ASAP2: variants seen among roughly 807,000 people sequenced by gnomAD.
ASAP2 encodes ArfGAP with SH3 domain, ankyrin repeat and PH domain 2, also known as arf-GAP with SH3 domain, ANK repeat and PH domain-containing protein 2.
A neutral mutation model predicts 131.4 loss-of-function variants in ASAP2; 45 were observed. The observed-to-expected ratio is 0.34, with a 90% CI of 0.27 to 0.44. The LOEUF is 0.44. Among genes scored for constraint, ASAP2 ranks in the 20% least tolerant of loss-of-function variants. ASAP2 has a pLI of 1.00. For synonymous variants in ASAP2, 510 were observed against 503.0 expected (o/e 1.01, Z -0.19); for missense variants, 1,011 against 1,297.0 (o/e 0.78, Z 3.39).
At position 9,380,464 on chromosome 2, in the gene ASAP2, C is replaced by T. The variant is rs551076963; in HGVS notation, c.1949-277C>T. On this transcript the variant is annotated intron_variant, in intron 19 of 27. Transcript: ENST00000281419. The stretch of plus-strand genomic sequence containing the variant: ...CCACCCACCTCTGCCTCCCAAAGTG[C>T]TGGGATTACAGGCGTGAGCCACTGC... Among the ~76,000 whole-genome samples, 26 of 152,294 alleles carry T rather than the reference C, an allele frequency of 1.7e-4. No homozygotes were observed. The East Asian group carries it at 4.6e-3, about 27-fold the overall frequency.
At chr2:9,254,539 T>A (rs1224210877) in intron 1 of ASAP2, among the ~76,000 whole-genome samples, 6 of 140,810 alleles carry the variant, frequency 4.3e-5, no homozygotes, top group African/African-American at 1.3e-4. Flanking sequence ...TTTTTTTTTT[T>A]TTTTTTTTTT....
intron 6 of ASAP2, among the ~76,000 whole-genome samples, chr2:9,325,773 A>G (rs1670439813): frequency 6.6e-6 from 1 of 152,110 alleles, no homozygotes; most frequent in South Asian, 2.1e-4. Flanking sequence ...TAAGTCATAG[A>G]CTTGAGCCAT....
chr2:9,305,247 C>G (rs1425904096), intron 3 of ASAP2, among the ~76,000 whole-genome samples: 10 of 122,704 alleles, frequency 8.1e-5, no homozygotes, highest in African/African-American at 9.6e-5. Context: ...GTGGGGTATA[C>G]ATATTGGTGG....
chr2:9,258,210 A>T (rs1572272517), intron 1 of ASAP2, among the ~76,000 whole-genome samples: 1 of 149,880 alleles, frequency 6.7e-6, no homozygotes, highest in Non-Finnish European at 1.5e-5. Context: ...GTGGGGGCTC[A>T]CGCCTGGCTG....
chr2:9,250,574 C>CA (rs1664634937), intron 1 of ASAP2, among the ~76,000 whole-genome samples: 1 of 128,778 alleles, frequency 7.8e-6, no homozygotes, highest in African/African-American at 3.5e-5. Context: ...GCACGGCCCC[C>CA]AGGGCAAATG....
intron 3 of ASAP2, among the ~76,000 whole-genome samples, chr2:9,308,957 C>T (rs188533850): frequency 1.5e-4 from 23 of 152,290 alleles, no homozygotes; most frequent in Non-Finnish European, 2.6e-4. Context: ...TTCAGATAAG[C>T]GGCCTTTAGA....
At chr2:9,262,897 A>G (rs750023972) in intron 1 of ASAP2, among the ~76,000 whole-genome samples, 18 of 152,348 alleles carry the variant, frequency 1.2e-4, no homozygotes, top group Middle Eastern at 3.4e-3. Flanking sequence ...AAACTCGGCT[A>G]TCTTACATCT....
chr2:9,235,780 T>A (rs1452582995), intron 1 of ASAP2, among the ~76,000 whole-genome samples: 2 of 152,122 alleles, frequency 1.3e-5, no homozygotes, highest in Admixed American at 1.3e-4. Context: ...TGCTGTTGTT[T>A]TAGATGTCTG....
At chr2:9,379,985 C>G in intron 19 of ASAP2, among the ~76,000 whole-genome samples, 1 of 136,156 alleles carries the variant, frequency 7.3e-6, no homozygotes, top group South Asian at 2.3e-4. Flanking sequence ...AGCAAGACTC[C>G]ATCTCAAAAA....
intron 6 of ASAP2, among the ~76,000 whole-genome samples, chr2:9,325,381 G>T (rs1572456936): frequency 1.3e-5 from 2 of 152,094 alleles, no homozygotes; most frequent in Non-Finnish European, 2.9e-5. Flanking sequence ...CTTCTGTAAG[G>T]GTATTGTTTC....
chr2:9,304,449 A>C (rs1004812418), intron 3 of ASAP2, among the ~76,000 whole-genome samples: 1 of 130,172 alleles, frequency 7.7e-6, no homozygotes, highest in African/African-American at 2.9e-5. Flanking sequence ...TAGGGGGTGG[A>C]AGGGCTGTAG....
intron 1 of ASAP2, among the ~76,000 whole-genome samples, chr2:9,265,340 C>T (rs1248865990): frequency 2.6e-5 from 4 of 152,128 alleles, no homozygotes; most frequent in Admixed American, 1.3e-4. Context: ...AACGGAATCC[C>T]GGAATTAATC....
chr2:9,244,654 A>T (rs1412262397), intron 1 of ASAP2, among the ~76,000 whole-genome samples: 1 of 152,228 alleles, frequency 6.6e-6, no homozygotes, highest in Non-Finnish European at 1.5e-5. Context: ...ACTGAAGGAC[A>T]GAATCACTAA....
chr2:9,372,780 C>T (rs1674077797), intron 16 of ASAP2, among the ~76,000 whole-genome samples: 1 of 152,132 alleles, frequency 6.6e-6, no homozygotes, highest in African/African-American at 2.4e-5. Context: ...AACAGGACCC[C>T]GTCCCACTGT....
chr2:9,237,808 C>G (rs1663663430), intron 1 of ASAP2, among the ~76,000 whole-genome samples: 2 of 152,050 alleles, frequency 1.3e-5, no homozygotes, highest in Non-Finnish European at 2.9e-5. Flanking sequence ...CAGTAGGTGC[C>G]CATGTTTCTT....
At chr2:9,231,967 C>A (rs904793295) in intron 1 of ASAP2, among the ~76,000 whole-genome samples, 3 of 152,198 alleles carry the variant, frequency 2.0e-5, no homozygotes, top group African/African-American at 7.2e-5. Context: ...GAGTGAAGCT[C>A]CTGCTTCCAT....
intron 1 of ASAP2, among the ~76,000 whole-genome samples, chr2:9,235,364 C>T (rs1290120133): frequency 6.6e-6 from 1 of 152,182 alleles, no homozygotes; most frequent in Non-Finnish European, 1.5e-5. Context: ...CTCTCAGGAC[C>T]CAGCCCTGGT....
intron 1 of ASAP2, among the ~76,000 whole-genome samples, chr2:9,227,615 A>T (rs1457842129): frequency 6.6e-6 from 1 of 152,228 alleles, no homozygotes; most frequent in Non-Finnish European, 1.5e-5. Context: ...ATAATTGGTA[A>T]GTAGTAGCCC....
At chr2:9,353,565 A>AG (rs1491074121) in intron 12 of ASAP2, among the ~76,000 whole-genome samples, 4 of 151,806 alleles carry the variant, frequency 2.6e-5, no homozygotes, top group Non-Finnish European at 5.9e-5. Context: ...AAAAAAAAAA[A>AG]AGACATTTGG....
Sources: gnomAD v4.1 joint callset for allele counts (sites outside exome capture counted in the v4.1 genomes callset) on GRCh38, gnomAD v4.1.1 for gene constraint, MANE v1.5 for transcripts, NCBI Gene and HGNC (gene_info 2026-07-23, HGNC 2026-07-21) for gene names.